C5: variants seen among roughly 807,000 people sequenced by gnomAD.
C5 encodes C3 and PZP-like alpha-2-macroglobulin domain-containing protein 4.
Under a neutral mutation model 218.8 loss-of-function variants are expected in C5, and 140 were observed. That is an observed-to-expected ratio of 0.64 (90% CI 0.56 to 0.74). The LOEUF is 0.74. Ranked by LOEUF, C5 falls within the 30% of genes least tolerant of loss-of-function variation. The pLI, the probability that C5 is intolerant of heterozygous loss-of-function variation, is 0.00. For missense variants in C5, 1,700 were observed against 1,969.6 expected (o/e 0.86, Z 2.59); for synonymous variants, 614 against 682.3 (o/e 0.90, Z 1.56).
chr9:121,058,739 T>A, the C5 span, among the ~76,000 whole-genome samples: 2 of 152,222 alleles, frequency 1.3e-5, no homozygotes, highest in African/African-American at 4.8e-5. Context: ...ATGCCCGGCC[T>A]TTTTTGTCTG....
chr9:120,989,810 T>A, intron 23 of C5, 30 bp from the exon 24 acceptor site: 1 of 1,528,994 alleles, frequency 6.5e-7, no homozygotes, highest in Non-Finnish European at 9.1e-7. Context: ...AGTAGACACA[T>A]TGCTTTTTAT....
At chr9:121,071,770 T>C in the C5 span, among the ~76,000 whole-genome samples, 1 of 152,288 alleles carries the variant, frequency 6.6e-6, no homozygotes, top group African/African-American at 2.4e-5. Context: ...GACAAACTAG[T>C]CTGTTTCTTC....
chr9:121,041,622 C>T (rs374226177), intron 3 of C5, among the ~76,000 whole-genome samples: 16 of 152,116 alleles, frequency 1.1e-4, no homozygotes, highest in Middle Eastern at 3.4e-3. Context: ...CCTTGATAAC[C>T]GAGGAAGGTC....
intron 9 of C5, among the ~76,000 whole-genome samples, chr9:121,024,279 A>G (rs1340026759): frequency 0.015 from 4 of 270 alleles, no homozygotes; most frequent in African/African-American, 0.037. Context: ...GGGGAGGGGG[A>G]GGGGAGGGGG....
chr9:120,992,790 T>C (rs184499492), intron 22 of C5, among the ~76,000 whole-genome samples: 7 of 152,326 alleles, frequency 4.6e-5, no homozygotes, highest in African/African-American at 1.4e-4. Flanking sequence ...AGCAATGTCT[T>C]TGTGAACTAA....
chr9:120,972,224 C>T (rs1398874297), intron 30 of C5, among the ~76,000 whole-genome samples: 2 of 152,174 alleles, frequency 1.3e-5, no homozygotes, highest in Non-Finnish European at 2.9e-5. Context: ...CCTGAGTGAA[C>T]CAACAAAAGC....
rs539098188 is a variant in C5, at chr9:120,997,760, C to T, written c.2577G>A (p.Met859Ile). The T allele has an allele frequency of 3.7e-6, 6 of 1,613,360 alleles. No individual in the cohort carries two copies. Among genetic ancestry groups the T allele is most frequent in the Admixed American group, 1.7e-5 (1 of 60,010 alleles). ...AAGTGCAGATTCCCTCCACAGCAGACATTTTAACACAGAACTGAAATACAA... is the reference window on the plus strand; with the variant it reads ...AAGTGCAGATTCCCTCCACAGCAGATATTTTAACACAGAACTGAAATACAA... ...RTSGMQFCVK[M>I]SAVEGICTSE... Residue 859 changes from methionine (M) to isoleucine (I), a missense_variant, in exon 21 of 41, where the codon ATG (methionine) becomes ATA (isoleucine). By Grantham distance (10) the Met-to-Ile change is conservative. Transcript: ENST00000223642.
intron 39 of C5, among the ~76,000 whole-genome samples, chr9:120,954,988 T>A (rs943722173): frequency 1.3e-5 from 2 of 152,094 alleles, no homozygotes; most frequent in Admixed American, 6.5e-5. Flanking sequence ...CATGGAAAAT[T>A]TAAAGTATAT....
chr9:121,030,560 A>G, intron 6 of C5, 73 bp from the exon 7 acceptor site: 1 of 806,270 alleles, frequency 1.2e-6, no homozygotes, highest in Non-Finnish European at 2.0e-6. Flanking sequence ...AAACAGCTAG[A>G]CTTTCTGGTA....
chr9:120,955,643 AAAAAT>A (rs569680593), intron 39 of C5, among the ~76,000 whole-genome samples: 4 of 152,224 alleles, frequency 2.6e-5, no homozygotes, highest in South Asian at 4.1e-4. Context: ...CAATGAAGAA[AAAAAT>A]AAAATAACTT....
chr9:121,069,390 C>T, the C5 span, among the ~76,000 whole-genome samples: 1 of 152,172 alleles, frequency 6.6e-6, no homozygotes, highest in East Asian at 1.9e-4. Flanking sequence ...TGAAAAAATG[C>T]TCACCATCAT....
intron 40 of C5, among the ~76,000 whole-genome samples, chr9:120,953,179 C>T (rs2046758697): frequency 6.6e-6 from 1 of 152,158 alleles, no homozygotes. Flanking sequence ...CCGTCTTGGC[C>T]TCCCATAGTG....
intron 7 of C5, among the ~76,000 whole-genome samples, chr9:121,028,201 C>T (rs1410570663): frequency 1.3e-5 from 2 of 152,168 alleles, no homozygotes; most frequent in African/African-American, 4.8e-5. Flanking sequence ...ACAACAGATG[C>T]TGGAGAGGAT....
upstream of C5, among the ~76,000 whole-genome samples, chr9:121,054,928 T>C (rs991060297): frequency 1.3e-5 from 2 of 152,070 alleles, no homozygotes; most frequent in Admixed American, 1.3e-4. Flanking sequence ...GGAGGGCTGC[T>C]ACCTATGAGG....
At position 121,046,306 on chromosome 9, in the gene C5, T is replaced by G; in HGVS notation, c.143A>C (p.Glu48Ala). 1 of 1,610,994 alleles carries G rather than the reference T, an allele frequency of 6.2e-7. No individual in the cohort carries two copies. Among genetic ancestry groups the G allele is most frequent in the Non-Finnish European group, 8.5e-7 (1 of 1,177,380 alleles). The stretch of plus-strand genomic sequence containing the variant: ...AATAGAGATTGTTGCATCAAATGCT[T>G]CAGTGTATCCATAAACTTGAATCAC... ...NIVIQVYGYTEAFDATISIKS... is the reference protein window; with the variant it reads ...NIVIQVYGYTAAFDATISIKS... The change falls in exon 2 of 41, where the codon GAA becomes GCA. Residue 48 changes from glutamate to alanine, a missense_variant. Glu to Ala is a moderately radical substitution (Grantham distance 107). Transcript: ENST00000223642.
At chr9:121,005,874 C>T (rs753518128) in intron 20 of C5, 45 bp downstream of exon 20, 5 of 1,595,062 alleles carry the variant, frequency 3.1e-6, no homozygotes. Context: ...TCTCAGAAAA[C>T]CAGAGAATGT....
chr9:120,977,994 G>GATT (rs140561802), intron 28 of C5, among the ~76,000 whole-genome samples: 20 of 151,522 alleles, frequency 1.3e-4, no homozygotes, highest in South Asian at 8.3e-4. Flanking sequence ...ATATATAAGG[G>GATT]ATTATTATTA....
At position 121,048,401 on chromosome 9, in the gene C5, G is replaced by A. The variant is rs117407089; in HGVS notation, c.65+1781C>T. 5.8e-3 allele frequency among the ~76,000 whole-genome samples: 885 copies of A among 152,324 alleles called. 21 individuals carry two copies. In the East Asian group the frequency reaches 0.092, roughly 16 times the overall value. On this transcript the variant is annotated intron_variant, in intron 1 of 40. Transcript: ENST00000223642. Reference sequence around the variant, plus strand: ...GTGGTGGCATTAGATTCTCCTAGGAGCATGAACTCTATTGTGAACCGCACA... The same window carrying A: ...GTGGTGGCATTAGATTCTCCTAGGAACATGAACTCTATTGTGAACCGCACA...
chr9:121,008,318 C>G, intron 18 of C5, 90 bp downstream of exon 18: 3 of 904,090 alleles, frequency 3.3e-6, no homozygotes, highest in Non-Finnish European at 5.6e-6. Context: ...CCTATGCAAG[C>G]TATTGGGAAA....
Sources: allele counts gnomAD v4.1 joint callset (sites outside exome capture counted in the v4.1 genomes callset), GRCh38; gene constraint gnomAD v4.1.1; transcripts MANE v1.5; gene names NCBI Gene and HGNC (gene_info 2026-07-23, HGNC 2026-07-21).